PTPRK: variants seen among roughly 807,000 people sequenced by gnomAD.
PTPRK encodes the protein receptor-type tyrosine-protein phosphatase kappa.
A neutral mutation model predicts 178.0 loss-of-function variants in PTPRK; 75 were observed. The ratio of observed to expected loss-of-function variants is 0.42; its 90% confidence interval spans 0.35 to 0.51. PTPRK has a LOEUF of 0.51. Ranked by LOEUF, PTPRK falls within the 20% of genes least tolerant of loss-of-function variation. The pLI, the probability that PTPRK is intolerant of heterozygous loss-of-function variation, is 0.02. For synonymous variants in PTPRK, 637 were observed against 620.6 expected, an observed-to-expected ratio of 1.03 and a Z score of -0.39; for missense variants, 1,441 against 1,797.8, an observed-to-expected ratio of 0.80 and a Z score of 3.59.
At chr6:128,445,018 A>G (rs941292207) in intron 1 of PTPRK, among the ~76,000 whole-genome samples, 1 of 151,654 alleles carries the variant, frequency 6.6e-6, no homozygotes. Flanking sequence ...TAGAGTATAT[A>G]TATAATTTCT....
At chr6:128,026,065 T>G (rs772260290) in intron 13 of PTPRK, among the ~76,000 whole-genome samples, 1 of 152,194 alleles carries the variant, frequency 6.6e-6, no homozygotes, top group Non-Finnish European at 1.5e-5. Context: ...AGGTATAGGC[T>G]TTAAAAAATT....
At chr6:128,238,475 C>CATTA (rs1342779091) in intron 5 of PTPRK, among the ~76,000 whole-genome samples, 1 of 152,116 alleles carries the variant, frequency 6.6e-6, no homozygotes, top group Non-Finnish European at 1.5e-5. Context: ...TTCAATGTCA[C>CATTA]ATTAAATCCT....
intron 18 of PTPRK, 142 bp downstream of exon 18, chr6:127,995,320 T>C (rs1270827425): frequency 4.4e-6 from 7 of 1,589,810 alleles, no homozygotes; most frequent in Admixed American, 3.4e-5. Context: ...TGTCAGTAAG[T>C]ACTAGGACGC....
chr6:128,504,822 T>G (rs933791908), intron 1 of PTPRK, among the ~76,000 whole-genome samples: 4 of 152,188 alleles, frequency 2.6e-5, no homozygotes, highest in African/African-American at 9.7e-5. Context: ...TACTATCTAG[T>G]GTTTTCATTA....
At chr6:128,423,489 T>G (rs899162933) in intron 1 of PTPRK, among the ~76,000 whole-genome samples, 1 of 152,158 alleles carries the variant, frequency 6.6e-6, no homozygotes, top group African/African-American at 2.4e-5. Flanking sequence ...AAGAACATAA[T>G]GTATAATAGT....
intron 1 of PTPRK, among the ~76,000 whole-genome samples, chr6:128,423,193 G>A (rs995418599): frequency 9.9e-5 from 15 of 152,148 alleles, no homozygotes; most frequent in Non-Finnish European, 2.1e-4. Flanking sequence ...CTTTTATAAA[G>A]TGACTAAACT....
In PTPRK at chr6:128,010,340, G is replaced by T. The variant is rs1022122678; in HGVS notation, c.2195-1072C>A. Among the ~76,000 whole-genome samples, 15 of 151,254 alleles carry T rather than the reference G, an allele frequency of 9.9e-5. No homozygotes were observed. In the Admixed American group the frequency reaches 9.9e-4, roughly 10 times the overall value. ...CAGCACCTTGCACTTGGAGTCAAGA[G>T]ATGGTGTCCACATGAACAGATACGC... On this transcript the variant is annotated intron_variant, in intron 13 of 29. Transcript: ENST00000368226.
At chr6:128,456,721 T>G (rs1292723119) in intron 1 of PTPRK, among the ~76,000 whole-genome samples, 1 of 152,136 alleles carries the variant, frequency 6.6e-6, no homozygotes, top group Admixed American at 6.6e-5. Context: ...GACAACTGCC[T>G]GGGTCTTTCC....
intron 3 of PTPRK, among the ~76,000 whole-genome samples, chr6:128,253,448 T>C (rs1373367667): frequency 6.6e-6 from 1 of 152,150 alleles, no homozygotes; most frequent in East Asian, 1.9e-4. Context: ...CTATCATAGC[T>C]CCACCATCTG....
At chr6:128,120,863 A>G (rs1463793245) in intron 7 of PTPRK, among the ~76,000 whole-genome samples, 1 of 151,952 alleles carries the variant, frequency 6.6e-6, no homozygotes, top group African/African-American at 2.4e-5. Flanking sequence ...TAAAAACCTA[A>G]CTTTTCATTA....
intron 13 of PTPRK, among the ~76,000 whole-genome samples, chr6:128,049,529 T>C (rs1778644397): frequency 6.7e-6 from 1 of 150,062 alleles, no homozygotes; most frequent in Non-Finnish European, 1.5e-5. Flanking sequence ...ATGCTAAATA[T>C]TATTAAATAA....
At chr6:128,023,300 T>G (rs992097168) in intron 13 of PTPRK, among the ~76,000 whole-genome samples, 5 of 152,182 alleles carry the variant, frequency 3.3e-5, no homozygotes, top group African/African-American at 1.2e-4. Flanking sequence ...AAGAATCAGG[T>G]GAAATGACAG....
chr6:127,992,155 AC>A (rs1464866147), intron 19 of PTPRK, among the ~76,000 whole-genome samples: 3 of 151,780 alleles, frequency 2.0e-5, no homozygotes, highest in African/African-American at 7.2e-5. Context: ...TCCCCAGTGT[AC>A]CACTATAACA....
rs936145486 is a variant in PTPRK, at chr6:127,992,718, A to C, written c.2845-9T>G. 6.3e-7 allele frequency: 1 copy of C among 1,576,320 alleles called. No homozygotes were observed. The highest frequency in any genetic ancestry group is 8.6e-7 in the Non-Finnish European group (1 of 1,162,442). On this transcript the variant is annotated splice_polypyrimidine_tract_variant and intron_variant, in intron 18 of 29. Transcript: ENST00000368226. ...CTTGGTCTCTGGTAGCCCTAAAATA[A>C]GAGAACAAATTAGTTATCATTTTAC... is the stretch of plus-strand genomic sequence containing the variant.
At chr6:128,099,138 T>C (rs1788376975) in intron 7 of PTPRK, among the ~76,000 whole-genome samples, 1 of 151,208 alleles carries the variant, frequency 6.6e-6, no homozygotes, top group Non-Finnish European at 1.5e-5. Flanking sequence ...TTAGTTGGAA[T>C]TTCTTTACTC....
intron 7 of PTPRK, among the ~76,000 whole-genome samples, chr6:128,091,543 G>T (rs1786950717): frequency 6.6e-6 from 1 of 152,088 alleles, no homozygotes; most frequent in South Asian, 2.1e-4. Context: ...ATACTGTTTG[G>T]TAGCCATGGC....
intron 7 of PTPRK, among the ~76,000 whole-genome samples, chr6:128,176,793 T>TC (rs1801141899): frequency 6.6e-6 from 1 of 151,722 alleles, no homozygotes; most frequent in African/African-American, 2.4e-5. Flanking sequence ...AGCTGATGAT[T>TC]CCATGTAGTA....
intron 2 of PTPRK, among the ~76,000 whole-genome samples, chr6:128,356,812 T>TA (rs1441009054): frequency 1.3e-5 from 2 of 152,346 alleles, no homozygotes; most frequent in East Asian, 3.9e-4. Context: ...GGAACTATTT[T>TA]ATTCATTCTA....
At chr6:128,284,484 C>T (rs975663079) in intron 3 of PTPRK, among the ~76,000 whole-genome samples, 3 of 152,138 alleles carry the variant, frequency 2.0e-5, no homozygotes, top group Admixed American at 1.3e-4. Flanking sequence ...TTCTACAACT[C>T]GATCTCATGT....
Sources: gnomAD v4.1 joint callset for allele counts (sites outside exome capture counted in the v4.1 genomes callset) on GRCh38, gnomAD v4.1.1 for gene constraint, MANE v1.5 for transcripts, NCBI Gene and HGNC (gene_info 2026-07-23, HGNC 2026-07-21) for gene names.